The following CNOT1 variants were observed in gnomAD, a reference collection of about 807,000 sequenced individuals.
The protein encoded by CNOT1 is CCR4-associated factor 1.
Under a neutral mutation model 273.8 loss-of-function variants are expected in CNOT1, and 15 were observed. That is an observed-to-expected ratio of 0.05 (90% confidence interval 0.04 to 0.08). The LOEUF (loss-of-function observed/expected upper bound fraction) is 0.08. Ranked by LOEUF, CNOT1 falls within the 10% of genes least tolerant of loss-of-function variation. The pLI is 1.00. For synonymous variants in CNOT1, 1,022 were observed against 1,005.5 expected (o/e 1.02, Z -0.31); for missense variants, 1,644 against 2,912.2 (o/e 0.56, Z 10.02).
chr16:58,604,934 A>G (rs1195337854), intron 1 of CNOT1, among the ~76,000 whole-genome samples: 1 of 151,412 alleles, frequency 6.6e-6, no homozygotes, highest in East Asian at 2.0e-4. Flanking sequence ...CAGGAGATCG[A>G]GACCATCCTG....
At chr16:58,621,597 C>T (rs2043317978) in intron 1 of CNOT1, among the ~76,000 whole-genome samples, 1 of 150,356 alleles carries the variant, frequency 6.7e-6, no homozygotes, top group Non-Finnish European at 1.5e-5. Flanking sequence ...CAAAACCAGG[C>T]CTTATAGTTT....
At chr16:58,588,627 C>G (rs2041953217) in intron 3 of CNOT1, among the ~76,000 whole-genome samples, 172 bp downstream of exon 3, 1 of 152,030 alleles carries the variant, frequency 6.6e-6, no homozygotes, top group South Asian at 2.1e-4. Context: ...TAGTCTACAG[C>G]CAGGCAGAAG....
chr16:58,584,472 A>C (rs1473997598), intron 8 of CNOT1, among the ~76,000 whole-genome samples: 1 of 152,038 alleles, frequency 6.6e-6, no homozygotes, highest in Admixed American at 6.5e-5. Context: ...CTGGGATTAT[A>C]GGCACGTGCC....
At chr16:58,523,958 C>CA (rs368824092) in intron 46 of CNOT1, 4 of 153,934 alleles carry the variant, frequency 2.6e-5, no homozygotes, top group African/African-American at 9.6e-5. Context: ...ATGATGAAAA[C>CA]AGTTTTGGGC....
intron 22 of CNOT1, among the ~76,000 whole-genome samples, chr16:58,553,274 CA>C (rs879764026): frequency 3.0e-4 from 43 of 144,696 alleles, no homozygotes; most frequent in East Asian, 2.6e-3. Flanking sequence ...CTCCCCCTCC[CA>C]AAAAAAAAAG....
At chr16:58,588,330 T>C (rs1431322763) in intron 3 of CNOT1, among the ~76,000 whole-genome samples, 1 of 151,728 alleles carries the variant, frequency 6.6e-6, no homozygotes, top group African/African-American at 2.4e-5. Flanking sequence ...TAAAAAAAGA[T>C]GTAAAGAAAG....
intron 2 of CNOT1, among the ~76,000 whole-genome samples, chr16:58,596,595 A>T (rs2042257384): frequency 6.6e-6 from 1 of 152,074 alleles, no homozygotes; most frequent in Non-Finnish European, 1.5e-5. Flanking sequence ...CATACTAAAA[A>T]GTCAATTTAC....
In CNOT1 at chr16:58,587,091, A is replaced by G. The variant is rs12443835; in HGVS notation, c.433+110T>C. On this transcript the variant is annotated intron_variant, in intron 6 of 48. Coordinates refer to ENST00000317147, the MANE Select transcript of CNOT1 (RefSeq NM_016284.5). ...TGTTTTTTACCACAGATAAAGAGAA[A>G]TTAATTTCAGATTATCTTACTCTCT... 0.41 allele frequency: 585,362 copies of G among 1,419,930 alleles called. 129,540 individuals are homozygous for G. Among genetic ancestry groups the G allele is most frequent in the Non-Finnish European group, 0.46 (485,936 of 1,050,992 alleles). The allele number at this position is 1,419,930 out of a possible 1,614,324, so 88.0% of individuals were successfully genotyped here.
intron 1 of CNOT1, among the ~76,000 whole-genome samples, chr16:58,605,158 A>C (rs995828491): frequency 6.7e-6 from 1 of 150,082 alleles, no homozygotes; most frequent in South Asian, 2.1e-4. Flanking sequence ...AAAACAAACA[A>C]ACACACCAAA....
intron 19 of CNOT1, 71 bp downstream of exon 19, chr16:58,556,776 C>T: frequency 6.4e-7 from 1 of 1,562,146 alleles, no homozygotes; most frequent in Non-Finnish European, 8.7e-7. Context: ...GCCCTACTAA[C>T]ACAAATGAGA....
chr16:58,562,300 C>T (rs1037033182), intron 16 of CNOT1, among the ~76,000 whole-genome samples: 10 of 150,838 alleles, frequency 6.6e-5, no homozygotes, highest in African/African-American at 1.2e-4. Context: ...GAAGGAGTTT[C>T]GAGACCAGCC....
At chr16:58,610,108 G>A (rs1186719641) in intron 1 of CNOT1, among the ~76,000 whole-genome samples, 3 of 152,156 alleles carry the variant, frequency 2.0e-5, no homozygotes, top group Non-Finnish European at 1.5e-5. Flanking sequence ...GGAAAGGGGA[G>A]AGAGGGCTAT....
chr16:58,525,410 A>C, intron 45 of CNOT1, 51 bp from the exon 46 acceptor site: 1 of 1,494,426 alleles, frequency 6.7e-7, no homozygotes, highest in South Asian at 1.2e-5. Context: ...CAGAGGACCA[A>C]TTCTAGCACC....
intron 1 of CNOT1, among the ~76,000 whole-genome samples, chr16:58,601,379 G>C (rs2042458782): frequency 6.6e-6 from 1 of 152,148 alleles, no homozygotes; most frequent in Non-Finnish European, 1.5e-5. Flanking sequence ...TTACAGGCGT[G>C]AGCCACTGCG....
chr16:58,580,655 C>A lies in CNOT1; in HGVS notation c.1321G>T (p.Asp441Tyr). ...TDILKAPPED[D>Y]NREIATWKSL... Reference sequence around the variant, plus strand: ...TACCATGTGGCAATTTCTCGATTGTCATCCTCTGGTGGTGCTTTCAGAATA... The same window carrying A: ...TACCATGTGGCAATTTCTCGATTGTAATCCTCTGGTGGTGCTTTCAGAATA... Residue 441 changes from aspartate (D) to tyrosine (Y), a missense_variant, in exon 12 of 49, where the codon GAC becomes TAC. By Grantham distance (160) the Asp-to-Tyr change is radical. This residue lies in a region of CNOT1 where 706 missense variants were observed against 1,021.2 expected (regional missense o/e 0.69). Coordinates refer to ENST00000317147, the MANE Select transcript of CNOT1 (RefSeq NM_016284.5). 1.2e-6 allele frequency: 2 copies of A among 1,611,420 alleles called. No individual in the cohort carries two copies. Among genetic ancestry groups the A allele is most frequent in the South Asian group, 2.2e-5 (2 of 90,240 alleles).
Position 58,547,768 on chromosome 16 carries a change from T to A in CNOT1, c.3523-86A>T. 1 of 1,295,258 alleles carries A rather than the reference T, an allele frequency of 7.7e-7. No individual in the cohort carries two copies. The highest frequency in any genetic ancestry group is 1.5e-5 in the South Asian group (1 of 65,130). 80.2% of individuals were successfully genotyped at this position (1,295,258 alleles called of 1,614,324 possible). ...AGTATTTGAGAATTCCATTATCCTA[T>A]CCTAAAGACAAGTCATCATTTCTAA... On this transcript the variant is annotated intron_variant, in intron 25 of 48. Coordinates refer to ENST00000317147, the MANE Select transcript of CNOT1 (RefSeq NM_016284.5). The surrounding 1 kb of genome is among the most constrained non-coding windows in gnomAD (Gnocchi z 4.0).
chr16:58,574,588 A>G (rs763052546), intron 16 of CNOT1, 21 bp downstream of exon 16: 24 of 1,552,068 alleles, frequency 1.5e-5, no homozygotes, highest in Non-Finnish European at 2.0e-5. Context: ...AAAAAGTCAT[A>G]TTCATGTATG....
rs760601795 is a variant in CNOT1, at chr16:58,523,816, G to A, written c.6785-314C>T. On this transcript the variant is annotated intron_variant, in intron 46 of 48. Transcript: ENST00000317147. ...TACATTTTGCAGATCTCTAAGTCTT[G>A]CTTAATAAAAGACAGCTGGATTCTC... 4 of 214,486 alleles carry A rather than the reference G, an allele frequency of 1.9e-5. No homozygotes were observed. In the East Asian group the frequency reaches 3.2e-4, roughly 17 times the overall value. The allele number at this position is 214,486 out of a possible 1,614,324, so 13.3% of individuals were successfully genotyped here.
chr16:58,545,478 T>C lies in CNOT1; in HGVS notation c.4020A>G (p.Thr1340=), dbSNP rs778514181. 6.2e-7 allele frequency: 1 copy of C among 1,614,032 alleles called. No homozygotes were observed. Among genetic ancestry groups the C allele is most frequent in the African/African-American group, 1.3e-5 (1 of 75,030 alleles). Residue 1340 remains threonine (T), a synonymous_variant, in exon 30 of 49, where the codon ACA becomes ACG. Transcript: ENST00000317147. ...CTGTACAAGTGGTGTTGGTAGCTGG[T>C]GTAGTAGAAGTTGCTAAATGTCAAG... ...PPITTTTTST[T]PATNTTCTAT... is the part of the protein sequence containing the mutation.
Sources: gnomAD v4.1 joint callset for allele counts (sites outside exome capture counted in the v4.1 genomes callset) on GRCh38, gnomAD v4.1.1 for gene constraint, gnomAD v4.1.1 regional missense constraint, Gnocchi (gnomAD v3.1) non-coding constraint, MANE v1.5 for transcripts, NCBI Gene and HGNC (gene_info 2026-07-23, HGNC 2026-07-21) for gene names.